KIAA1549L: variants seen among roughly 807,000 people sequenced by gnomAD.
KIAA1549L encodes the protein UPF0606 protein KIAA1549L.
A neutral mutation model predicts 160.7 loss-of-function variants in KIAA1549L; 88 were observed. The observed-to-expected ratio is 0.55, with a 90% confidence interval of 0.46 to 0.65. The LOEUF is 0.65. Ranked by LOEUF, KIAA1549L falls within the 30% of genes least tolerant of loss-of-function variation. The probability of loss-of-function intolerance (pLI) is 0.00; values close to 1 mark genes in which losing one functional copy is unlikely to be tolerated. For synonymous variants in KIAA1549L, 950 were observed against 976.7 expected (o/e 0.97, Z 0.51); for missense variants, 2,258 against 2,437.5 (o/e 0.93, Z 1.55).
intron 10 of KIAA1549L, among the ~76,000 whole-genome samples, chr11:33,581,399 G>C (rs1213892496): frequency 2.1e-4 from 3 of 14,184 alleles, no homozygotes; most frequent in African/African-American, 3.9e-4. Context: ...CTGACAAATT[G>C]TGTGTGTGTG....
chr11:33,586,344 A>G (rs1350592376), intron 11 of KIAA1549L, among the ~76,000 whole-genome samples: 1 of 152,176 alleles, frequency 6.6e-6, no homozygotes, highest in Non-Finnish European at 1.5e-5. Flanking sequence ...GAGTATGGAT[A>G]CCCTTACCCT....
chr11:33,548,675 G>A (rs1854349531), intron 4 of KIAA1549L, among the ~76,000 whole-genome samples: 1 of 152,202 alleles, frequency 6.6e-6, no homozygotes, highest in South Asian at 2.1e-4. Flanking sequence ...ACTGTTTAAT[G>A]AGTGCTGGCT....
chr11:33,412,212 G>A (rs554178797), intron 1 of KIAA1549L, among the ~76,000 whole-genome samples: 1 of 152,268 alleles, frequency 6.6e-6, no homozygotes, highest in African/African-American at 2.4e-5. Flanking sequence ...ATCAGCTAAT[G>A]CTCTATTTCT....
Position 33,574,735 on chromosome 11 carries a change from G to A in KIAA1549L, c.4264G>A (p.Asp1422Asn), listed in dbSNP as rs755664466. ...GATGCAGCGTGTCCCAGGCCCGAAG[G>A]ACCCAGCGGAGCTGACTTACTATAC... ...VKMQRVPGPK[D>N]PAELTYYTLY... is the part of the protein sequence containing the mutation. The change falls in exon 10 of 21, where the codon GAC (aspartate) becomes AAC (asparagine). Residue 1422 changes from aspartate (D) to asparagine (N), a missense_variant. Asp to Asn is a conservative substitution (Grantham distance 23). Around this residue, in one of 6 missense-constraint regions of KIAA1549L, gnomAD observed 1,359 missense variants for 1,546.6 expected, o/e 0.88. Coordinates refer to ENST00000658780, the MANE Select transcript of KIAA1549L (RefSeq NM_012194.3). The A allele has an allele frequency of 2.2e-5, 36 of 1,612,930 alleles. No homozygotes were observed. Among genetic ancestry groups the A allele is most frequent in the Non-Finnish European group, 3.0e-5 (35 of 1,179,364 alleles).
intron 1 of KIAA1549L, among the ~76,000 whole-genome samples, chr11:33,397,600 T>G (rs1483931645): frequency 1.3e-5 from 2 of 151,638 alleles, no homozygotes; most frequent in African/African-American, 4.8e-5. Context: ...TAGTCCCAGC[T>G]ACTCGGGAGG....
chr11:33,555,308 A>G (rs1178249156), intron 6 of KIAA1549L, among the ~76,000 whole-genome samples: 1 of 152,230 alleles, frequency 6.6e-6, no homozygotes, highest in East Asian at 1.9e-4. Flanking sequence ...TAGAAAAATT[A>G]GCCCTAAAAT....
intron 3 of KIAA1549L, among the ~76,000 whole-genome samples, chr11:33,545,767 A>G (rs1262028368): frequency 2.0e-5 from 3 of 152,212 alleles, no homozygotes; most frequent in Non-Finnish European, 4.4e-5. Flanking sequence ...CCAGGAAACC[A>G]TGGTTCTGCC....
intron 1 of KIAA1549L, among the ~76,000 whole-genome samples, chr11:33,455,284 T>C (rs1851799953): frequency 6.6e-6 from 1 of 152,216 alleles, no homozygotes; most frequent in Admixed American, 6.5e-5. Context: ...GCCACAGTCA[T>C]ATATTATGAC....
chr11:33,415,494 G>A (rs1850870159), intron 1 of KIAA1549L, among the ~76,000 whole-genome samples: 1 of 152,170 alleles, frequency 6.6e-6, no homozygotes, highest in African/African-American at 2.4e-5. Flanking sequence ...ACCCAGGCCT[G>A]AAGTTGAAAG....
At chr11:33,496,151 A>C (rs1195476348) in intron 1 of KIAA1549L, among the ~76,000 whole-genome samples, 1 of 152,052 alleles carries the variant, frequency 6.6e-6, no homozygotes, top group Non-Finnish European at 1.5e-5. Context: ...TTTAGTAGAG[A>C]TGGGGTTTTG....
chr11:33,411,815 A>G (rs1020607042), intron 1 of KIAA1549L, among the ~76,000 whole-genome samples: 33 of 152,202 alleles, frequency 2.2e-4, no homozygotes, highest in Non-Finnish European at 2.9e-5. Flanking sequence ...TCTTATTTCA[A>G]GTATCACTGA....
At position 33,631,253 on chromosome 11, in the gene KIAA1549L, G is replaced by A. The variant is rs571107711; in HGVS notation, c.5409+12591G>A. Among the ~76,000 whole-genome samples, 8 of 152,274 alleles carry A rather than the reference G, an allele frequency of 5.3e-5. No homozygotes were observed. In the South Asian group the frequency reaches 6.2e-4, roughly 12 times the overall value. ...GCTCAGCACTTTTCTGCTCTGGCTG[G>A]CCCAGATGTGCCCTTCTAGCTGACG... On this transcript the variant is annotated intron_variant, in intron 16 of 20. Transcript: ENST00000658780.
intron 6 of KIAA1549L, among the ~76,000 whole-genome samples, chr11:33,554,286 G>T (rs1286556871): frequency 1.3e-5 from 2 of 152,166 alleles, no homozygotes; most frequent in Non-Finnish European, 1.5e-5. Context: ...TGCTCAGATA[G>T]TCATTGAAAA....
chr11:33,431,264 A>G (rs1851234577), intron 1 of KIAA1549L, among the ~76,000 whole-genome samples: 1 of 152,158 alleles, frequency 6.6e-6, no homozygotes, highest in Non-Finnish European at 1.5e-5. Context: ...CAAAGCTTCC[A>G]CAGTGTGGAA....
chr11:33,389,604 G>A (rs919031493), intron 1 of KIAA1549L, among the ~76,000 whole-genome samples: 5 of 152,226 alleles, frequency 3.3e-5, no homozygotes, highest in South Asian at 2.1e-4. Context: ...TGAACCCTAC[G>A]GAAACTGAAC....
intron 20 of KIAA1549L, among the ~76,000 whole-genome samples, chr11:33,664,628 G>A (rs957525976): frequency 7.9e-5 from 12 of 152,204 alleles, no homozygotes; most frequent in African/African-American, 1.9e-4. Flanking sequence ...GAAAAGAGGC[G>A]TGAGAGAGAC....
At chr11:33,589,475 C>A (rs186818662) in intron 11 of KIAA1549L, among the ~76,000 whole-genome samples, 109 of 152,172 alleles carry the variant, frequency 7.2e-4, no homozygotes, top group Admixed American at 5.6e-3. Context: ...ATGTTTATTG[C>A]GGCACTATTC....
chr11:33,473,938 G>A (rs1384473194), intron 1 of KIAA1549L, among the ~76,000 whole-genome samples: 4 of 152,186 alleles, frequency 2.6e-5, no homozygotes, highest in Non-Finnish European at 5.9e-5. Context: ...TCTGCGGGCT[G>A]TACAAGCATG....
chr11:33,385,303 G>A (rs1036545391), intron 1 of KIAA1549L, among the ~76,000 whole-genome samples: 1 of 152,182 alleles, frequency 6.6e-6, no homozygotes, highest in Non-Finnish European at 1.5e-5. Flanking sequence ...CCATATGCCA[G>A]TACAACACTG....
Sources: gnomAD v4.1 joint callset for allele counts (sites outside exome capture counted in the v4.1 genomes callset) on GRCh38, gnomAD v4.1.1 for gene constraint, gnomAD v4.1.1 regional missense constraint, MANE v1.5 for transcripts, NCBI Gene and HGNC (gene_info 2026-07-23, HGNC 2026-07-21) for gene names.